Variants in MED17 observed in about 807,000 individuals in gnomAD.
MED17 encodes mediator of RNA polymerase II transcription subunit 17.
MED17 carries 49 observed loss-of-function variants against 80.8 expected under a neutral mutation model. The observed-to-expected ratio is 0.61, with a 90% CI of 0.48 to 0.77. MED17 has a LOEUF of 0.77. MED17 is among the 30% of genes least tolerant of loss of function. The probability of loss-of-function intolerance (pLI) is 0.00; values close to 1 mark genes in which losing one functional copy is unlikely to be tolerated. For synonymous variants in MED17, 281 were observed against 280.4 expected, an observed-to-expected ratio of 1.00 and a Z score of -0.02; for missense variants, 718 against 787.0, an observed-to-expected ratio of 0.91 and a Z score of 1.05.
At chr11:93,804,073 T>TA (rs1943999424) in intron 9 of MED17, among the ~76,000 whole-genome samples, 2 of 146,602 alleles carry the variant, frequency 1.4e-5, no homozygotes, top group Non-Finnish European at 3.0e-5. Context: ...AAAGGGGAGT[T>TA]TATTAAGTAT....
chr11:93,793,778 C>G lies in MED17; in HGVS notation c.688C>G (p.Leu230Val). The G allele has an allele frequency of 1.3e-6, 2 of 1,596,528 alleles. No individual in the cohort carries two copies. The highest frequency in any genetic ancestry group is 1.7e-6 in the Non-Finnish European group (2 of 1,164,796). Residue 230 changes from leucine to valine, a missense_variant, in exon 4 of 12, where the codon CTC becomes GTC. Transcript: ENST00000251871. ...ATTTGAAGTAATAAAGAATACAGAT[C>G]TCGATCTGGATAAAAAGATACCTGA... ...GTFEVIKNTDLDLDKKIPEDY... is the reference protein window; with the variant it reads ...GTFEVIKNTDVDLDKKIPEDY...
intron 9 of MED17, chr11:93,805,975 C>CTTTTTTTTTTTTTTTTTTTTTTTTT (rs71064787): frequency 1.5e-5 from 1 of 65,542 alleles, no homozygotes; most frequent in African/African-American, 5.3e-5. Flanking sequence ...GACCCTGTCT[C>CTTTTTTTTTTTTTTTTTTTTTTTTT]TTTTTTTTTT....
At chr11:93,785,670 G>T (rs1054337849) in intron 1 of MED17, among the ~76,000 whole-genome samples, 1 of 152,128 alleles carries the variant, frequency 6.6e-6, no homozygotes, top group African/African-American at 2.4e-5. Context: ...AATAATGAAA[G>T]AATAGTTGTA....
intron 8 of MED17, among the ~76,000 whole-genome samples, chr11:93,799,443 T>C (rs897847758): frequency 6.6e-6 from 1 of 152,156 alleles, no homozygotes; most frequent in Non-Finnish European, 1.5e-5. Context: ...CCCAAAGTGC[T>C]GGGATTACAG....
intron 9 of MED17, 152 bp downstream of exon 9, chr11:93,802,124 A>G (rs1250699965): frequency 4.3e-6 from 3 of 704,938 alleles, no homozygotes; most frequent in Admixed American, 5.6e-5. Flanking sequence ...TTTTTTTAAT[A>G]GGTGGAGTCT....
At position 93,801,980 on chromosome 11, in the gene MED17, G is replaced by A. The variant is rs995798201; in HGVS notation, c.1466+8G>A. 3.1e-6 allele frequency: 5 copies of A among 1,609,544 alleles called. No individual in the cohort carries two copies. Among genetic ancestry groups the A allele is most frequent in the Non-Finnish European group, 4.2e-6 (5 of 1,178,030 alleles). On this transcript the variant is annotated splice_region_variant and intron_variant, in intron 9 of 11. Coordinates refer to ENST00000251871, the MANE Select transcript of MED17 (RefSeq NM_004268.5). Reference sequence around the variant, plus strand: ...CTATGAACAAATATGCAAGTAAGTGGCCAAAATAAAAGTTTTGTATTTAAT... The same window carrying A: ...CTATGAACAAATATGCAAGTAAGTGACCAAAATAAAAGTTTTGTATTTAAT...
chr11:93,792,281 A>G (rs1365766126), intron 3 of MED17, among the ~76,000 whole-genome samples: 2 of 152,266 alleles, frequency 1.3e-5, no homozygotes, highest in Non-Finnish European at 1.5e-5. Flanking sequence ...GAGGACTGAC[A>G]TGCTTCAGCA....
intron 1 of MED17, among the ~76,000 whole-genome samples, chr11:93,787,633 G>A (rs1243261243): frequency 6.6e-6 from 1 of 152,036 alleles, no homozygotes; most frequent in Non-Finnish European, 1.5e-5. Flanking sequence ...TGGCTTACAG[G>A]TCATTTTCAT....
chr11:93,809,250 G>A, intron 10 of MED17: 2 of 279,406 alleles, frequency 7.2e-6, no homozygotes, highest in Non-Finnish European at 1.4e-5. Flanking sequence ...CAGGGAGGGT[G>A]CCAGGGGAAT....
chr11:93,797,660 C>G lies in MED17; in HGVS notation c.1269C>G (p.Ser423=), dbSNP rs750692497. The G allele has an allele frequency of 1.9e-6, 3 of 1,613,664 alleles. No homozygotes were observed. Among genetic ancestry groups the G allele is most frequent in the South Asian group, 1.1e-5 (1 of 91,070 alleles). The part of the protein sequence containing the change: ...FDKNEINSLQ[S]SEGLLEKIIK... ...AAAATGAAATTAATTCATTACAGTC[C>G]AGTGAAGGGCTTCTGGAAAAAATAA... is the stretch of plus-strand genomic sequence containing the variant. The change falls in exon 8 of 12, where the codon TCC becomes TCG. Residue 423 remains serine (S), a synonymous_variant. Coordinates refer to ENST00000251871, the MANE Select transcript of MED17 (RefSeq NM_004268.5).
Position 93,791,707 on chromosome 11 carries a change from A to G in MED17, c.637+914A>G, listed in dbSNP as rs1051519318. ...ACCTTGTCTCAAAAAAAACCCCAAAAAAAACCAAACGAAAACTGGACATGA... is the reference window on the plus strand; with the variant it reads ...ACCTTGTCTCAAAAAAAACCCCAAAGAAAACCAAACGAAAACTGGACATGA... On this transcript the variant is annotated intron_variant, in intron 3 of 11. Transcript: ENST00000251871. Among the ~76,000 whole-genome samples, 6 of 152,118 alleles carry G rather than the reference A, an allele frequency of 3.9e-5. No individual in the cohort carries two copies. The East Asian group carries it at 7.7e-4, about 20-fold the overall frequency.
At chr11:93,792,910 C>T (rs1943853939) in intron 3 of MED17, among the ~76,000 whole-genome samples, 1 of 151,936 alleles carries the variant, frequency 6.6e-6, no homozygotes, top group Non-Finnish European at 1.5e-5. Context: ...CACCACACTG[C>T]AGCCTGGAAG....
intron 3 of MED17, among the ~76,000 whole-genome samples, chr11:93,792,662 CTGGGCA>C (rs1228781346): frequency 1.3e-5 from 2 of 152,118 alleles, no homozygotes; most frequent in Admixed American, 6.6e-5. Context: ...AGGAACTGGG[CTGGGCA>C]TGGGGGCTCA....
In MED17 at chr11:93,784,340, C is replaced by G; in HGVS notation, c.-174C>G. On this transcript the variant is annotated 5_prime_UTR_variant, in exon 1 of 12. Transcript: ENST00000251871. ...CTTGCGGTGCGTTCTGGGAAAGTTG[C>G]TGGGCCAGCTCCTTTGTTTCCAGTC... The G allele has an allele frequency of 1.2e-6, 1 of 846,354 alleles. No individual in the cohort carries two copies. Among genetic ancestry groups the G allele is most frequent in the East Asian group, 2.8e-5 (1 of 36,100 alleles). 52.4% of individuals were successfully genotyped at this position (846,354 alleles called of 1,614,324 possible). A position where few individuals can be genotyped will look rare whatever the true frequency, so the allele number is the denominator to read the frequency against.
At chr11:93,786,536 G>T (rs533141324) in intron 1 of MED17, among the ~76,000 whole-genome samples, 79 of 151,322 alleles carry the variant, frequency 5.2e-4, no homozygotes, top group African/African-American at 1.8e-3. Flanking sequence ...GTGCAATCTC[G>T]GCTCACTGCA....
At chr11:93,786,859 A>G (rs532997754) in intron 1 of MED17, among the ~76,000 whole-genome samples, 1 of 152,236 alleles carries the variant, frequency 6.6e-6, no homozygotes, top group Non-Finnish European at 1.5e-5. Context: ...CAGGGTATAT[A>G]TTCAAGATGT....
At chr11:93,789,968 A>T (rs988409465) in intron 2 of MED17, among the ~76,000 whole-genome samples, 3 of 152,190 alleles carry the variant, frequency 2.0e-5, no homozygotes, top group African/African-American at 7.2e-5. Flanking sequence ...AAAAGAAAAA[A>T]AGTTAATGCT....
chr11:93,803,349 A>G (rs1203052591), intron 9 of MED17, among the ~76,000 whole-genome samples: 3 of 152,252 alleles, frequency 2.0e-5, no homozygotes, highest in Non-Finnish European at 2.9e-5. Context: ...AAATGAAAAC[A>G]TAGTAGATAA....
chr11:93,805,836 C>T (rs1203835771), intron 9 of MED17, among the ~76,000 whole-genome samples: 1 of 152,132 alleles, frequency 6.6e-6, no homozygotes, highest in African/African-American at 2.4e-5. Context: ...TGGTTGCACA[C>T]ACCTGAAGTC....
Sources: gnomAD v4.1 joint callset for allele counts (sites outside exome capture counted in the v4.1 genomes callset) on GRCh38, gnomAD v4.1.1 for gene constraint, MANE v1.5 for transcripts, NCBI Gene and HGNC (gene_info 2026-07-23, HGNC 2026-07-21) for gene names.